The following NFIA variants were observed in gnomAD, a reference collection of about 807,000 sequenced individuals.
The protein encoded by NFIA is nuclear factor 1 A-type.
A neutral mutation model predicts 62.8 loss-of-function variants in NFIA; 8 were observed. The ratio of observed to expected loss-of-function variants is 0.13; its 90% CI spans 0.07 to 0.23. The LOEUF is 0.23. Ranked by LOEUF, NFIA falls within the 10% of genes least tolerant of loss-of-function variation. The probability of loss-of-function intolerance (pLI) is 1.00; values close to 1 mark genes in which losing one functional copy is unlikely to be tolerated. For synonymous variants in NFIA, 235 were observed against 238.1 expected, an observed-to-expected ratio of 0.99 and a Z score of 0.12; for missense variants, 410 against 642.1, an observed-to-expected ratio of 0.64 and a Z score of 3.91.
chr1:61,193,090 G>T (rs1409107146), intron 2 of NFIA, among the ~76,000 whole-genome samples: 3 of 152,188 alleles, frequency 2.0e-5, no homozygotes, highest in South Asian at 2.1e-4. Context: ...GGAAACCACT[G>T]CCAGAATCCT....
intron 10 of NFIA, among the ~76,000 whole-genome samples, chr1:61,442,802 A>G (rs1433159042): frequency 3.9e-5 from 6 of 152,202 alleles, no homozygotes; most frequent in Non-Finnish European, 8.8e-5. Flanking sequence ...AAATCAACCA[A>G]TCAGTCCTGG....
intron 4 of NFIA, among the ~76,000 whole-genome samples, chr1:61,336,498 T>A (rs147133377): frequency 6.6e-6 from 1 of 152,204 alleles, no homozygotes; most frequent in African/African-American, 2.4e-5. Context: ...TTTGTTAAAA[T>A]TCATGAGCCA....
intron 1 of NFIA, among the ~76,000 whole-genome samples, chr1:61,084,848 G>T (rs1329025317): frequency 6.6e-6 from 1 of 151,882 alleles, no homozygotes; most frequent in Non-Finnish European, 1.5e-5. Flanking sequence ...GACATTAAGA[G>T]AGTTTTTTTT....
chr1:61,178,264 A>G (rs1189692258), intron 2 of NFIA, among the ~76,000 whole-genome samples: 1 of 152,218 alleles, frequency 6.6e-6, no homozygotes, highest in African/African-American at 2.4e-5. Flanking sequence ...GTGCTTGGTT[A>G]AATAAAAATG....
intron 2 of NFIA, among the ~76,000 whole-genome samples, chr1:61,232,835 A>G (rs1032266502): frequency 6.6e-6 from 1 of 151,038 alleles, no homozygotes; most frequent in African/African-American, 2.4e-5. Flanking sequence ...TCTCCAAGAA[A>G]CTCTCTGTGG....
At chr1:61,239,972 G>A (rs1424804145) in intron 2 of NFIA, among the ~76,000 whole-genome samples, 1 of 152,046 alleles carries the variant, frequency 6.6e-6, no homozygotes, top group Non-Finnish European at 1.5e-5. Context: ...ATTTATCAAT[G>A]CATTCCAAAC....
chr1:61,358,379 C>CTCTTTTT (rs1663080556), intron 5 of NFIA, among the ~76,000 whole-genome samples: 1 of 52,616 alleles, frequency 1.9e-5, no homozygotes, highest in Non-Finnish European at 3.2e-5. Flanking sequence ...TTCTTTCTTT[C>CTCTTTTT]TTTTTTTTTT....
chr1:61,087,068 A>AT (rs1443281938), intron 1 of NFIA, among the ~76,000 whole-genome samples: 3 of 152,154 alleles, frequency 2.0e-5, no homozygotes, highest in African/African-American at 7.2e-5. Context: ...TTACTGCTTA[A>AT]TTTTTTAAAA....
chr1:61,269,729 GCA>G (rs1657394868), intron 2 of NFIA, among the ~76,000 whole-genome samples: 1 of 152,202 alleles, frequency 6.6e-6, no homozygotes, highest in Non-Finnish European at 1.5e-5. Flanking sequence ...CAGACTGTGA[GCA>G]CATGTTTAGG....
chr1:61,198,553 A>G (rs1384141004), intron 2 of NFIA, among the ~76,000 whole-genome samples: 1 of 152,204 alleles, frequency 6.6e-6, no homozygotes, highest in Non-Finnish European at 1.5e-5. Flanking sequence ...CTTGCAACTG[A>G]GAATAGGACC....
At chr1:61,113,139 A>G (rs1239738427) in intron 2 of NFIA, among the ~76,000 whole-genome samples, 2 of 152,064 alleles carry the variant, frequency 1.3e-5, no homozygotes, top group Non-Finnish European at 2.9e-5. Context: ...ATTTGATTCT[A>G]TAAGGCTTAT....
At chr1:61,444,583 C>G (rs1354999163) in intron 10 of NFIA, among the ~76,000 whole-genome samples, 1 of 152,148 alleles carries the variant, frequency 6.6e-6, no homozygotes, top group Non-Finnish European at 1.5e-5. Context: ...GAGAACAATA[C>G]AGAAAGGTTG....
chr1:61,174,820 A>T (rs1470192836), intron 2 of NFIA, among the ~76,000 whole-genome samples: 1 of 152,166 alleles, frequency 6.6e-6, no homozygotes, highest in Non-Finnish European at 1.5e-5. Context: ...AGCTTGAGTC[A>T]CATTTGCTGA....
At chr1:61,447,394 A>C (rs1557446429) in intron 10 of NFIA, among the ~76,000 whole-genome samples, 2 of 152,310 alleles carry the variant, frequency 1.3e-5, no homozygotes, top group Admixed American at 1.3e-4. Context: ...TATGCGATAG[A>C]AAGTGTGGCC....
intron 2 of NFIA, among the ~76,000 whole-genome samples, chr1:61,102,760 T>C (rs1646533267): frequency 6.6e-6 from 1 of 152,194 alleles, no homozygotes; most frequent in Non-Finnish European, 1.5e-5. Context: ...GTACTTTTTT[T>C]CTCCAACTCT....
chr1:61,376,975 G>T (rs1664179139), intron 6 of NFIA, among the ~76,000 whole-genome samples: 1 of 152,150 alleles, frequency 6.6e-6, no homozygotes. Flanking sequence ...CCAGCACTTT[G>T]GGAGGCCAAG....
chr1:61,181,060 C>T (rs1432000737), intron 2 of NFIA, among the ~76,000 whole-genome samples: 1 of 152,210 alleles, frequency 6.6e-6, no homozygotes, highest in Non-Finnish European at 1.5e-5. Flanking sequence ...GAAAAAAATA[C>T]AGTGCTTGAG....
At chr1:61,330,729 G>A (rs1352942793) in intron 3 of NFIA, among the ~76,000 whole-genome samples, 2 of 152,152 alleles carry the variant, frequency 1.3e-5, no homozygotes, top group Non-Finnish European at 1.5e-5. Flanking sequence ...TCCTTAAAAT[G>A]AGGAATTTCA....
intron 4 of NFIA, among the ~76,000 whole-genome samples, chr1:61,335,493 G>A (rs144893429): frequency 1.1e-3 from 162 of 152,296 alleles, no homozygotes; most frequent in African/African-American, 3.8e-3. Context: ...CAGAACTATG[G>A]TGGATGCTTT....
Sources: gnomAD v4.1 joint callset for allele counts (sites outside exome capture counted in the v4.1 genomes callset) on GRCh38, gnomAD v4.1.1 for gene constraint, MANE v1.5 for transcripts, NCBI Gene and HGNC (gene_info 2026-07-23, HGNC 2026-07-21) for gene names.